Variants in EVC2 observed in about 807,000 individuals in gnomAD.
EVC2 encodes the protein EvC ciliary complex subunit 2.
A neutral mutation model predicts 149.3 loss-of-function variants in EVC2; 148 were observed. That is an observed-to-expected ratio of 0.99 (90% CI 0.87 to 1.14). The LOEUF is 1.14. EVC2 is among the 50% of genes most tolerant of loss of function. The pLI is 0.00. For synonymous variants in EVC2, 776 were observed against 649.9 expected, an observed-to-expected ratio of 1.19 and a Z score of -2.95; for missense variants, 1,854 against 1,627.3, an observed-to-expected ratio of 1.14 and a Z score of -2.40.
intron 21 of EVC2, among the ~76,000 whole-genome samples, chr4:5,553,660 C>G (rs1721781378): frequency 6.6e-6 from 1 of 152,140 alleles, no homozygotes; most frequent in African/African-American, 2.4e-5. Context: ...GATTGCACAA[C>G]TCTGTCAATA....
At position 5,567,766 on chromosome 4, in the gene EVC2, A is replaced by G. The variant is rs1722379226; in HGVS notation, c.3557+678T>C. On this transcript the variant is annotated intron_variant, in intron 20 of 21. Coordinates refer to ENST00000344408, the MANE Select transcript of EVC2 (RefSeq NM_147127.5). The surrounding 1 kb of genome is among the most constrained non-coding windows in gnomAD (Gnocchi z 4.4). Reference sequence around the variant, plus strand: ...TGTCAAGTGACGGGATGACAGTTACATGCTCTATGCTACACCCCTTAGCAT... The same window carrying G: ...TGTCAAGTGACGGGATGACAGTTACGTGCTCTATGCTACACCCCTTAGCAT... Among the ~76,000 whole-genome samples the G allele has an allele frequency of 6.6e-6, 1 of 152,216 alleles. No homozygotes were observed. Among genetic ancestry groups the G allele is most frequent in the South Asian group, 2.1e-4 (1 of 4,826 alleles).
At chr4:5,584,082 G>GT (rs567938772) in intron 17 of EVC2, among the ~76,000 whole-genome samples, 142 of 152,056 alleles carry the variant, frequency 9.3e-4, no homozygotes, top group African/African-American at 3.4e-3. Flanking sequence ...AATGTGAGGG[G>GT]TTTTTTCCTT....
chr4:5,591,629 A>T (rs1712808444), intron 16 of EVC2, among the ~76,000 whole-genome samples: 1 of 152,230 alleles, frequency 6.6e-6, no homozygotes, highest in African/African-American at 2.4e-5. Context: ...ATACTGTATG[A>T]ACAACATGGA....
At chr4:5,582,768 C>T (rs908163196) in intron 17 of EVC2, among the ~76,000 whole-genome samples, 13 of 152,114 alleles carry the variant, frequency 8.5e-5, no homozygotes, top group African/African-American at 2.9e-4. Context: ...GACTGGATCA[C>T]GGGGGTCCTT....
rs376198795 is a variant in EVC2, at chr4:5,663,282, C to G, written c.1006-36G>C. 119 of 1,613,034 alleles carry G rather than the reference C, an allele frequency of 7.4e-5. 1 individual carries two copies. In the Admixed American group the frequency reaches 2.0e-3, roughly 27 times the overall value. ...ATTGCGGAAATAATAATTGATTGGGCCTTCTTGTGAATTCCACGTGCTGAG... is the reference window on the plus strand; with the variant it reads ...ATTGCGGAAATAATAATTGATTGGGGCTTCTTGTGAATTCCACGTGCTGAG... On this transcript the variant is annotated intron_variant, in intron 8 of 21. Coordinates refer to ENST00000344408, the MANE Select transcript of EVC2 (RefSeq NM_147127.5).
chr4:5,605,255 A>C (rs901194453), intron 16 of EVC2, among the ~76,000 whole-genome samples: 2 of 152,250 alleles, frequency 1.3e-5, no homozygotes, highest in African/African-American at 4.8e-5. Context: ...ACTTAGCCGA[A>C]GACTTGAGGA....
At position 5,640,375 on chromosome 4, in the gene EVC2, T is replaced by A. The variant is rs529522904; in HGVS notation, c.1470+139A>T. 50 of 985,804 alleles carry A rather than the reference T, an allele frequency of 5.1e-5. No homozygotes were observed. The African/African-American group carries it at 7.2e-4, about 14-fold the overall frequency. The allele number at this position is 985,804 out of a possible 1,614,324, so 61.1% of individuals were successfully genotyped here. On this transcript the variant is annotated intron_variant, in intron 10 of 21. Coordinates refer to ENST00000344408, the MANE Select transcript of EVC2 (RefSeq NM_147127.5). This position sits in a 1 kb window ranked among gnomAD's most constrained non-coding sequence, Gnocchi z 4.6. Reference sequence around the variant, plus strand: ...TTGGATGAATGAATGGAAGGATGAATAGATGAATGAGTGGGTGGTTGGATG... The same window carrying A: ...TTGGATGAATGAATGGAAGGATGAAAAGATGAATGAGTGGGTGGTTGGATG...
chr4:5,562,582 T>C lies in EVC2; in HGVS notation c.*266A>G. 1 of 1,336,026 alleles carries C rather than the reference T, an allele frequency of 7.5e-7. No individual in the cohort carries two copies. Among genetic ancestry groups the C allele is most frequent in the South Asian group, 1.6e-5 (1 of 62,664 alleles). The allele number at this position is 1,336,026 out of a possible 1,614,324, so 82.8% of individuals were successfully genotyped here. A position where few individuals can be genotyped will look rare whatever the true frequency, so the allele number is the denominator to read the frequency against. ...AGAGGATGGGGTGTGGATTGCAGGG[T>C]GGGGGTCTCCTCCAGGGCCCTGGGG... is the stretch of plus-strand genomic sequence containing the variant. On this transcript the variant is annotated 3_prime_UTR_variant, in exon 22 of 22. Coordinates refer to ENST00000344408, the MANE Select transcript of EVC2 (RefSeq NM_147127.5). This position sits in a 1 kb window ranked among gnomAD's most constrained non-coding sequence, Gnocchi z 4.3.
At chr4:5,680,562 G>A (rs907165409) in intron 7 of EVC2, among the ~76,000 whole-genome samples, 3 of 152,160 alleles carry the variant, frequency 2.0e-5, no homozygotes, top group African/African-American at 4.8e-5. Context: ...GAGAATCACC[G>A]AACCCGGGGG....
At chr4:5,624,944 C>G (rs551685465) in intron 13 of EVC2, among the ~76,000 whole-genome samples, 5 of 152,238 alleles carry the variant, frequency 3.3e-5, no homozygotes, top group Non-Finnish European at 2.9e-5. Flanking sequence ...CTGTCCTTAT[C>G]CCCTGTACTC....
intron 16 of EVC2, among the ~76,000 whole-genome samples, chr4:5,601,413 T>C (rs1713969918): frequency 6.6e-6 from 1 of 151,786 alleles, no homozygotes. Context: ...CTTGAAGAAT[T>C]AGAAATTGAT....
At chr4:5,662,664 T>C (rs1459597530) in intron 9 of EVC2, among the ~76,000 whole-genome samples, 1 of 146,452 alleles carries the variant, frequency 6.8e-6, no homozygotes, top group East Asian at 1.9e-4. Context: ...TTTATATTGA[T>C]ATTAAATATA....
At chr4:5,646,912 G>T (rs1277593713) in intron 9 of EVC2, among the ~76,000 whole-genome samples, 1 of 152,182 alleles carries the variant, frequency 6.6e-6, no homozygotes, top group African/African-American at 2.4e-5. Context: ...ACCTAACAGG[G>T]ATGCCATACT....
At chr4:5,555,465 T>C (rs1293291259) in intron 21 of EVC2, among the ~76,000 whole-genome samples, 4 of 152,232 alleles carry the variant, frequency 2.6e-5, no homozygotes, top group African/African-American at 9.6e-5. Flanking sequence ...TGGAGAAAGA[T>C]ATACCTTGCT....
chr4:5,564,824 A>G (rs960872877), intron 21 of EVC2, among the ~76,000 whole-genome samples: 2 of 152,200 alleles, frequency 1.3e-5, no homozygotes, highest in African/African-American at 4.8e-5. Context: ...TAAAGGGGGC[A>G]GTGAGGCAGC....
chr4:5,707,353 G>A (rs1019502136), intron 1 of EVC2, among the ~76,000 whole-genome samples: 1 of 152,116 alleles, frequency 6.6e-6, no homozygotes, highest in Non-Finnish European at 1.5e-5. Flanking sequence ...CTGGGGTAGA[G>A]AACACAGCAG....
At chr4:5,695,731 C>G (rs1423379006) in intron 2 of EVC2, among the ~76,000 whole-genome samples, 4 of 152,182 alleles carry the variant, frequency 2.6e-5, no homozygotes, top group African/African-American at 9.7e-5. Context: ...GTGCCTTCTT[C>G]AACATTTGTC....
intron 21 of EVC2, among the ~76,000 whole-genome samples, chr4:5,554,061 C>A (rs1272464955): frequency 6.6e-6 from 1 of 152,086 alleles, no homozygotes; most frequent in Non-Finnish European, 1.5e-5. Flanking sequence ...GTGAGAGAAA[C>A]GGAAGACAGA....
At chr4:5,596,603 C>A (rs1713442395) in intron 16 of EVC2, among the ~76,000 whole-genome samples, 1 of 151,942 alleles carries the variant, frequency 6.6e-6, no homozygotes, top group Non-Finnish European at 1.5e-5. Context: ...ACTAAACGCC[C>A]ACAAGAGAAA....
Sources: gnomAD v4.1 joint callset for allele counts (sites outside exome capture counted in the v4.1 genomes callset) on GRCh38, gnomAD v4.1.1 for gene constraint, Gnocchi (gnomAD v3.1) non-coding constraint, MANE v1.5 for transcripts, NCBI Gene and HGNC (gene_info 2026-07-23, HGNC 2026-07-21) for gene names.